Variants in MAML2 observed in about 807,000 individuals in gnomAD.
The protein encoded by MAML2 is mastermind like transcriptional coactivator 2, also known as mastermind-like protein 2.
A neutral mutation model predicts 96.1 loss-of-function variants in MAML2; 22 were observed. The ratio of observed to expected loss-of-function variants is 0.23; its 90% CI spans 0.16 to 0.33. The LOEUF (loss-of-function observed/expected upper bound fraction) is 0.33. MAML2 is among the 10% of genes least tolerant of loss of function. The pLI is 1.00. For missense variants in MAML2, 1,367 were observed against 1,392.4 expected (o/e 0.98, Z 0.29); for synonymous variants, 561 against 521.3 (o/e 1.08, Z -1.04).
chr11:96,001,181 C>T (rs889390153), intron 2 of MAML2, among the ~76,000 whole-genome samples: 13 of 152,144 alleles, frequency 8.5e-5, no homozygotes, highest in South Asian at 2.1e-4. Context: ...GTCACCAGGA[C>T]GCTGTGTCTA....
chr11:96,281,321 AG>A (rs1565272016), intron 1 of MAML2, among the ~76,000 whole-genome samples: 1 of 152,142 alleles, frequency 6.6e-6, no homozygotes, highest in Non-Finnish European at 1.5e-5. Flanking sequence ...GGTGATGGAT[AG>A]ATCACTAAAC....
At chr11:96,034,274 G>C (rs1367524071) in intron 2 of MAML2, among the ~76,000 whole-genome samples, 2 of 152,080 alleles carry the variant, frequency 1.3e-5, no homozygotes, top group African/African-American at 4.8e-5. Context: ...ATAAAGTCTG[G>C]GTTTTATACT....
chr11:95,982,040 T>C (rs1199304084), intron 4 of MAML2, among the ~76,000 whole-genome samples: 1 of 152,178 alleles, frequency 6.6e-6, no homozygotes, highest in Non-Finnish European at 1.5e-5. Flanking sequence ...TACTCCATTT[T>C]TAATATCAAA....
At chr11:96,100,142 G>A (rs969944791) in intron 1 of MAML2, among the ~76,000 whole-genome samples, 2 of 152,158 alleles carry the variant, frequency 1.3e-5, no homozygotes. Flanking sequence ...TGGACTCCAT[G>A]CCCTTCCTGG....
At chr11:96,132,642 GA>G (rs1860564974) in intron 1 of MAML2, among the ~76,000 whole-genome samples, 1 of 152,220 alleles carries the variant, frequency 6.6e-6, no homozygotes, top group African/African-American at 2.4e-5. Context: ...CTATAGTGGA[GA>G]TGGATATAGC....
At chr11:96,048,542 G>A (rs993142542) in intron 2 of MAML2, among the ~76,000 whole-genome samples, 1 of 151,996 alleles carries the variant, frequency 6.6e-6, no homozygotes, top group African/African-American at 2.4e-5. Flanking sequence ...AATTTATGTG[G>A]CTATTTTCTA....
At chr11:96,041,206 C>G (rs1158740923) in intron 2 of MAML2, among the ~76,000 whole-genome samples, 1 of 151,734 alleles carries the variant, frequency 6.6e-6, no homozygotes, top group Non-Finnish European at 1.5e-5. Context: ...AGGTGATATT[C>G]AAGGCCAGGT....
intron 2 of MAML2, among the ~76,000 whole-genome samples, chr11:95,991,954 G>C (rs1857921133): frequency 6.6e-6 from 1 of 152,216 alleles, no homozygotes; most frequent in African/African-American, 2.4e-5. Context: ...AAGCTCCCAT[G>C]AGGACTCTGA....
At chr11:95,988,408 G>A (rs1008976747) in intron 3 of MAML2, among the ~76,000 whole-genome samples, 3 of 151,354 alleles carry the variant, frequency 2.0e-5, no homozygotes, top group African/African-American at 4.9e-5. Context: ...ACAGGTGCCC[G>A]CCATCATGCC....
At chr11:96,264,486 T>C (rs1247465654) in intron 1 of MAML2, among the ~76,000 whole-genome samples, 1 of 152,218 alleles carries the variant, frequency 6.6e-6, no homozygotes, top group Non-Finnish European at 1.5e-5. Context: ...GAGTTCTGAT[T>C]GTTAACATGT....
chr11:96,116,689 A>T (rs1334841045), intron 1 of MAML2, among the ~76,000 whole-genome samples: 1 of 152,256 alleles, frequency 6.6e-6, no homozygotes, highest in Non-Finnish European at 1.5e-5. Context: ...TCTACTAAAC[A>T]AGTGGATTCC....
At chr11:96,257,956 A>AG (rs35164163) in intron 1 of MAML2, among the ~76,000 whole-genome samples, 46,572 of 152,080 alleles carry the variant, frequency 0.31, 8,503 homozygotes, top group South Asian at 0.55. Context: ...CTCTGATAAA[A>AG]TGCCTACAGA....
intron 1 of MAML2, among the ~76,000 whole-genome samples, chr11:96,199,470 A>G (rs1468971285): frequency 6.6e-6 from 1 of 152,070 alleles, no homozygotes; most frequent in African/African-American, 2.4e-5. Context: ...TGCATTTTCT[A>G]TCACTCACAG....
intron 2 of MAML2, among the ~76,000 whole-genome samples, chr11:96,050,773 T>C (rs1398084823): frequency 1.3e-5 from 2 of 152,204 alleles, no homozygotes; most frequent in African/African-American, 2.4e-5. Flanking sequence ...ACTATGTCTA[T>C]GGAGTTGTTA....
rs74815293 is a variant in MAML2, at chr11:96,163,474, C to A, written c.514-69957G>T. ...TTATTATCTTCACAAACAAAATAACCCTGGAGATCAACCAGAAATATTTCA... is the reference window on the plus strand; with the variant it reads ...TTATTATCTTCACAAACAAAATAACACTGGAGATCAACCAGAAATATTTCA... On this transcript the variant is annotated intron_variant, in intron 1 of 4. Coordinates refer to ENST00000524717, the MANE Select transcript of MAML2 (RefSeq NM_032427.4). Among the ~76,000 whole-genome samples, 973 of 152,256 alleles carry A rather than the reference C, an allele frequency of 6.4e-3. 10 individuals are homozygous for A. Among genetic ancestry groups the A allele is most frequent in the African/African-American group, 0.022 (931 of 41,550 alleles).
intron 1 of MAML2, among the ~76,000 whole-genome samples, chr11:96,142,352 A>G (rs2135867599): frequency 6.6e-6 from 1 of 152,322 alleles, no homozygotes; most frequent in Non-Finnish European, 1.5e-5. Flanking sequence ...TGGAAGAATT[A>G]GGGAAATCTT....
chr11:96,076,428 T>TCA (rs1451144164), intron 2 of MAML2, among the ~76,000 whole-genome samples: 98 of 88,304 alleles, frequency 1.1e-3, no homozygotes, highest in Middle Eastern at 5.3e-3. Context: ...TCTCTCTCTC[T>TCA]CTCTCACACA....
At chr11:96,148,835 G>A (rs1035345067) in intron 1 of MAML2, among the ~76,000 whole-genome samples, 2 of 152,156 alleles carry the variant, frequency 1.3e-5, no homozygotes, top group Non-Finnish European at 1.5e-5. Context: ...AAAGGACAGA[G>A]GAGTTGAGAC....
At chr11:96,261,096 A>G (rs1021675828) in intron 1 of MAML2, among the ~76,000 whole-genome samples, 1 of 152,184 alleles carries the variant, frequency 6.6e-6, no homozygotes, top group Non-Finnish European at 1.5e-5. Context: ...GGCAGTATTG[A>G]CAGGTGGTAA....
Sources: gnomAD v4.1 joint callset for allele counts (sites outside exome capture counted in the v4.1 genomes callset) on GRCh38, gnomAD v4.1.1 for gene constraint, MANE v1.5 for transcripts, NCBI Gene and HGNC (gene_info 2026-07-23, HGNC 2026-07-21) for gene names.